Variants in CADM2 observed in about 807,000 individuals in gnomAD.
CADM2 encodes cell adhesion molecule 2.
A neutral mutation model predicts 49.8 loss-of-function variants in CADM2; 12 were observed. That is an observed-to-expected ratio of 0.24 (90% CI 0.15 to 0.39). The LOEUF (loss-of-function observed/expected upper bound fraction) is 0.39, where lower values mean the gene tolerates loss of function less well. Ranked by LOEUF, CADM2 falls within the 10% of genes least tolerant of loss-of-function variation. The pLI is 1.00. For missense variants in CADM2, 378 were observed against 492.3 expected (o/e 0.77, Z 2.20); for synonymous variants, 214 against 175.4 (o/e 1.22, Z -1.74).
intron 1 of CADM2, among the ~76,000 whole-genome samples, chr3:85,188,784 C>T (rs531526755): frequency 2.4e-4 from 36 of 152,090 alleles, no homozygotes; most frequent in African/African-American, 7.7e-4. Context: ...GTAATCCCAG[C>T]ACTTTGGGAG....
chr3:85,619,385 AAG>A (rs1156336789), intron 1 of CADM2, among the ~76,000 whole-genome samples: 1 of 152,092 alleles, frequency 6.6e-6, no homozygotes, highest in Non-Finnish European at 1.5e-5. Flanking sequence ...GACAGAATGA[AAG>A]GGGGAAAGAA....
intron 1 of CADM2, among the ~76,000 whole-genome samples, chr3:85,635,552 C>G (rs2064444664): frequency 6.6e-6 from 1 of 152,038 alleles, no homozygotes. Context: ...TCAAATATTA[C>G]AACTAAAAGA....
chr3:85,061,782 A>G (rs1308148945), intron 1 of CADM2, among the ~76,000 whole-genome samples: 2 of 152,086 alleles, frequency 1.3e-5, no homozygotes, highest in Non-Finnish European at 2.9e-5. Context: ...TGTGTTCGGT[A>G]TTGCAATGTA....
At chr3:85,727,170 C>T (rs2107785101) in intron 2 of CADM2, among the ~76,000 whole-genome samples, 1 of 152,178 alleles carries the variant, frequency 6.6e-6, no homozygotes, top group Admixed American at 6.5e-5. Flanking sequence ...GATACTGTAT[C>T]ATAGACCTAT....
At chr3:86,014,249 C>T (rs1731925833) in intron 8 of CADM2, 1 of 1,304,974 alleles carries the variant, frequency 7.7e-7, no homozygotes, top group Non-Finnish European at 1.0e-6. Context: ...TTATACTCTG[C>T]AGTGCAGTAA....
At chr3:85,663,497 T>C (rs1334054119) in intron 1 of CADM2, among the ~76,000 whole-genome samples, 1 of 152,024 alleles carries the variant, frequency 6.6e-6, no homozygotes, top group African/African-American at 2.4e-5. Flanking sequence ...GAGTTGAAGG[T>C]TGCACAGCAT....
At chr3:85,643,203 T>A (rs1284570171) in intron 1 of CADM2, among the ~76,000 whole-genome samples, 1 of 152,180 alleles carries the variant, frequency 6.6e-6, no homozygotes, top group African/African-American at 2.4e-5. Context: ...GCACGTATAC[T>A]TCTTGGCTTA....
chr3:85,944,285 AC>A (rs1722357690), intron 7 of CADM2, among the ~76,000 whole-genome samples: 1 of 152,108 alleles, frequency 6.6e-6, no homozygotes, highest in Non-Finnish European at 1.5e-5. Context: ...ATCCTTAGAG[AC>A]CTGCAAAGAG....
intron 1 of CADM2, among the ~76,000 whole-genome samples, chr3:85,179,762 C>T (rs2040878718): frequency 6.6e-6 from 1 of 152,104 alleles, no homozygotes; most frequent in Admixed American, 6.5e-5. Context: ...ACATCTGAAA[C>T]ACAACTAAAT....
At chr3:85,467,070 A>T (rs2038528804) in intron 1 of CADM2, among the ~76,000 whole-genome samples, 1 of 152,210 alleles carries the variant, frequency 6.6e-6, no homozygotes, top group South Asian at 2.1e-4. Flanking sequence ...CAGATGCACC[A>T]TCTAAATTCT....
At chr3:85,386,468 C>G (rs977503063) in intron 1 of CADM2, among the ~76,000 whole-genome samples, 1 of 152,046 alleles carries the variant, frequency 6.6e-6, no homozygotes, top group Non-Finnish European at 1.5e-5. Context: ...TCTGAGTGAC[C>G]ATTCCTAAAC....
intron 1 of CADM2, among the ~76,000 whole-genome samples, chr3:85,352,282 A>G (rs2107241879): frequency 6.6e-6 from 1 of 152,278 alleles, no homozygotes; most frequent in East Asian, 1.9e-4. Flanking sequence ...CAGCACTAGA[A>G]GACAAACACA....
chr3:85,443,502 T>A (rs1470400624), intron 1 of CADM2, among the ~76,000 whole-genome samples: 1 of 152,136 alleles, frequency 6.6e-6, no homozygotes, highest in Non-Finnish European at 1.5e-5. Flanking sequence ...TTTCTCCAAC[T>A]CTTTCCATTC....
At chr3:86,019,394 G>GT (rs1732803231) in intron 8 of CADM2, among the ~76,000 whole-genome samples, 1 of 149,684 alleles carries the variant, frequency 6.7e-6, no homozygotes, top group Non-Finnish European at 1.5e-5. Context: ...CTTTAAAGTA[G>GT]TTTTTTCCAA....
At chr3:85,209,306 G>A (rs1385691145) in intron 1 of CADM2, among the ~76,000 whole-genome samples, 1 of 152,092 alleles carries the variant, frequency 6.6e-6, no homozygotes. Flanking sequence ...CAAGCAATGT[G>A]CTAAGTGCTT....
intron 1 of CADM2, among the ~76,000 whole-genome samples, chr3:85,268,758 T>C (rs1419042276): frequency 6.6e-6 from 1 of 151,408 alleles, no homozygotes; most frequent in African/African-American, 2.4e-5. Flanking sequence ...CTCTACCATG[T>C]TTCCAGAATT....
At chr3:85,735,380 T>C (rs1038588643) in intron 2 of CADM2, among the ~76,000 whole-genome samples, 2 of 152,066 alleles carry the variant, frequency 1.3e-5, no homozygotes, top group African/African-American at 4.8e-5. Flanking sequence ...TTGAGCAATA[T>C]TCAACAGCCC....
At chr3:85,777,228 G>T (rs948460500) in intron 2 of CADM2, among the ~76,000 whole-genome samples, 6 of 134,372 alleles carry the variant, frequency 4.5e-5, no homozygotes, top group African/African-American at 1.5e-4. Flanking sequence ...GAAAACATTT[G>T]CTATGGTTTT....
intron 1 of CADM2, among the ~76,000 whole-genome samples, chr3:85,158,923 TGA>T (rs979567857): frequency 1.3e-5 from 2 of 152,022 alleles, no homozygotes; most frequent in Admixed American, 6.6e-5. Context: ...ATTGTGTGTG[TGA>T]GAGAGAAAGA....
Sources: gnomAD v4.1 joint callset for allele counts (sites outside exome capture counted in the v4.1 genomes callset) on GRCh38, gnomAD v4.1.1 for gene constraint, MANE v1.5 for transcripts, NCBI Gene and HGNC (gene_info 2026-07-23, HGNC 2026-07-21) for gene names.